Variants in GNB4 observed in about 807,000 individuals in gnomAD.
GNB4 encodes guanine nucleotide-binding protein subunit beta-4.
GNB4 carries 28 observed loss-of-function variants against 45.2 expected under a neutral mutation model. That is an observed-to-expected ratio of 0.62 (90% CI 0.46 to 0.85). The LOEUF (loss-of-function observed/expected upper bound fraction) is 0.85, where lower values mean the gene tolerates loss of function less well. Ranked by LOEUF, GNB4 falls within the 40% of genes least tolerant of loss-of-function variation. GNB4 has a pLI of 0.00. For missense variants in GNB4, 321 were observed against 425.4 expected (o/e 0.75, Z 2.16); for synonymous variants, 132 against 143.7 (o/e 0.92, Z 0.58).
the GNB4 span, among the ~76,000 whole-genome samples, chr3:179,468,031 T>TAAAAAAAAAAAA: frequency 1.5e-5 from 1 of 67,286 alleles, no homozygotes; most frequent in African/African-American, 6.1e-5. Flanking sequence ...ATTTTGTTGA[T>TAAAAAAAAAAAA]AAAAATATAT....
the GNB4 span, among the ~76,000 whole-genome samples, chr3:179,495,938 G>A: frequency 2.6e-5 from 4 of 152,210 alleles, no homozygotes; most frequent in Non-Finnish European, 5.9e-5. Flanking sequence ...CACTAGACTT[G>A]CCTTATAAAA....
rs1183755195 is a variant in GNB4, at chr3:179,399,720, T to C, written c.*1493A>G. The C allele has an allele frequency of 6.6e-6, 1 of 152,192 alleles. No homozygotes were observed. The highest frequency in any genetic ancestry group is 2.1e-4 in the South Asian group (1 of 4,832). 9.4% of individuals were successfully genotyped at this position (152,192 alleles called of 1,614,324 possible). A position where few individuals can be genotyped will look rare whatever the true frequency, so the allele number is the denominator to read the frequency against. On this transcript the variant is annotated 3_prime_UTR_variant, in exon 10 of 10. Transcript: ENST00000232564. Reference sequence around the variant, plus strand: ...AATTTAGAGGTAAAGTTTGGGAGTATTTAGGTTAAGTTACACATGTTCAAA... The same window carrying C: ...AATTTAGAGGTAAAGTTTGGGAGTACTTAGGTTAAGTTACACATGTTCAAA...
At chr3:179,494,230 T>C in the GNB4 span, among the ~76,000 whole-genome samples, 1 of 150,330 alleles carries the variant, frequency 6.7e-6, no homozygotes, top group Non-Finnish European at 1.5e-5. Context: ...CTTCTTCTGC[T>C]GTCTTAGCTG....
At chr3:179,525,269 C>G in the GNB4 span, among the ~76,000 whole-genome samples, 1 of 152,036 alleles carries the variant, frequency 6.6e-6, no homozygotes, top group African/African-American at 2.4e-5. Flanking sequence ...AATTTAGAAC[C>G]ATTATCGAGT....
chr3:179,437,022 A>C (rs781482130), intron 1 of GNB4, among the ~76,000 whole-genome samples: 2 of 152,204 alleles, frequency 1.3e-5, no homozygotes, highest in Admixed American at 6.5e-5. Flanking sequence ...CTGGGGTTAC[A>C]TATGAATAAA....
chr3:179,495,625 A>AGGAGGCAG, the GNB4 span, among the ~76,000 whole-genome samples: 1 of 150,640 alleles, frequency 6.6e-6, no homozygotes, highest in South Asian at 2.2e-4. Flanking sequence ...AAAGAAAGAA[A>AGGAGGCAG]GGAGGCAGGG....
At chr3:179,520,240 G>C in the GNB4 span, among the ~76,000 whole-genome samples, 104,342 of 142,256 alleles carry the variant, frequency 0.73, 39,170 homozygotes, top group East Asian at 0.99. Flanking sequence ...CAGACAGCCC[G>C]CATTACTTCA....
At chr3:179,452,748 T>C (rs1005320482), upstream of GNB4, among the ~76,000 whole-genome samples, 1 of 152,168 alleles carries the variant, frequency 6.6e-6, no homozygotes, top group South Asian at 2.1e-4. Flanking sequence ...AAAATTTTCA[T>C]TTTTACTAAT....
At chr3:179,420,995 T>C in intron 2 of GNB4, 68 bp from the exon 3 acceptor site, 4 of 893,984 alleles carry the variant, frequency 4.5e-6, no homozygotes, top group Non-Finnish European at 5.4e-6. Flanking sequence ...ATACTTTTAT[T>C]GAAAACGTAG....
chr3:179,458,473 C>A, the GNB4 span, among the ~76,000 whole-genome samples: 1 of 152,200 alleles, frequency 6.6e-6, no homozygotes, highest in Non-Finnish European at 1.5e-5. Flanking sequence ...TTTAAAATGT[C>A]TTTGGCAAAA....
chr3:179,470,121 C>T, the GNB4 span, among the ~76,000 whole-genome samples: 1 of 152,136 alleles, frequency 6.6e-6, no homozygotes, highest in Non-Finnish European at 1.5e-5. Context: ...TAGGTACATG[C>T]AATATACAAT....
At chr3:179,520,470 C>G in the GNB4 span, among the ~76,000 whole-genome samples, 2 of 152,100 alleles carry the variant, frequency 1.3e-5, no homozygotes, top group African/African-American at 4.8e-5. Flanking sequence ...AATAACTTGA[C>G]CTTACTGTTT....
chr3:179,505,687 T>C, the GNB4 span, among the ~76,000 whole-genome samples: 1 of 152,192 alleles, frequency 6.6e-6, no homozygotes, highest in East Asian at 1.9e-4. Flanking sequence ...TTTGCTTCAG[T>C]AGTATGTGTC....
In GNB4 at chr3:179,437,421, C is replaced by T. The variant is rs558270202; in HGVS notation, c.-42-11179G>A. Among the ~76,000 whole-genome samples, 120 of 151,728 alleles carry T rather than the reference C, an allele frequency of 7.9e-4. 1 individual carries two copies. Among genetic ancestry groups the T allele is most frequent in the Non-Finnish European group, 8.8e-5 (6 of 67,908 alleles). ...CTCTACTAAAAATACAAAAATCAGC[C>T]GGGCATGGTGGTGTGAGCCTGTAGT... On this transcript the variant is annotated intron_variant, in intron 1 of 9. Transcript: ENST00000232564.
intron 1 of GNB4, among the ~76,000 whole-genome samples, chr3:179,445,953 T>G (rs143761610): frequency 6.6e-6 from 1 of 152,214 alleles, no homozygotes; most frequent in East Asian, 1.9e-4. Flanking sequence ...ATATGAAATA[T>G]AGACACTAAG....
At chr3:179,512,393 C>A in the GNB4 span, among the ~76,000 whole-genome samples, 1 of 152,108 alleles carries the variant, frequency 6.6e-6, no homozygotes, top group Non-Finnish European at 1.5e-5. Context: ...ATTATATATT[C>A]TTCAAGAATG....
intron 8 of GNB4, among the ~76,000 whole-genome samples, chr3:179,406,687 A>T (rs1714480477): frequency 6.6e-6 from 1 of 152,144 alleles, no homozygotes; most frequent in Admixed American, 6.5e-5. Context: ...ATCTCAGCTC[A>T]CTACAACTTC....
intron 3 of GNB4, 114 bp from the exon 4 acceptor site, chr3:179,419,619 T>C (rs540819836): frequency 1.4e-6 from 1 of 698,896 alleles, no homozygotes; most frequent in Non-Finnish European, 2.6e-6. Context: ...TTATAGTAAC[T>C]GAAGGTAATT....
At chr3:179,489,041 TATATA>T in the GNB4 span, among the ~76,000 whole-genome samples, 2,098 of 79,982 alleles carry the variant, frequency 0.026, 158 homozygotes, top group East Asian at 0.074. Flanking sequence ...TATATATATA[TATATA>T]ATATATATGT....
Sources: gnomAD v4.1 joint callset for allele counts (sites outside exome capture counted in the v4.1 genomes callset) on GRCh38, gnomAD v4.1.1 for gene constraint, MANE v1.5 for transcripts, NCBI Gene and HGNC (gene_info 2026-07-23, HGNC 2026-07-21) for gene names.